XNDC1N: variants seen among roughly 807,000 people sequenced by gnomAD.
XNDC1N encodes the protein protein XNDC1N.
At chr11:71,896,799 C>T in the XNDC1N span, among the ~76,000 whole-genome samples, 4 of 146,870 alleles carry the variant, frequency 2.7e-5, no homozygotes, top group South Asian at 2.1e-4. Context: ...CCTGACCTCA[C>T]GTGATCCACC....
chr11:71,891,035 T>C, the XNDC1N span, among the ~76,000 whole-genome samples: 1 of 152,080 alleles, frequency 6.6e-6, no homozygotes, highest in East Asian at 1.9e-4. Flanking sequence ...CCCTGGACAT[T>C]AGGAAGGGTA....
chr11:71,917,576 T>G, the XNDC1N span: 23 of 703,578 alleles, frequency 3.3e-5, no homozygotes, highest in Non-Finnish European at 5.5e-5. Context: ...CATCTCTGTT[T>G]CTCATAAAGA....
the XNDC1N span, among the ~76,000 whole-genome samples, chr11:71,905,373 C>A: frequency 6.6e-6 from 1 of 151,752 alleles, no homozygotes; most frequent in Non-Finnish European, 1.5e-5. Context: ...TAGGATATTA[C>A]GAATAACATC....
the XNDC1N span, among the ~76,000 whole-genome samples, chr11:71,885,020 A>T: frequency 6.6e-6 from 1 of 152,026 alleles, no homozygotes; most frequent in African/African-American, 2.4e-5. Flanking sequence ...CGCGGTGGAT[A>T]CACAGCCTGT....
At chr11:71,874,457 C>G in the XNDC1N span, among the ~76,000 whole-genome samples, 1 of 152,158 alleles carries the variant, frequency 6.6e-6, no homozygotes, top group African/African-American at 2.4e-5. Context: ...ACCCAAACAA[C>G]TAGGTACATG....
chr11:71,907,289 C>T, the XNDC1N span, among the ~76,000 whole-genome samples: 11 of 152,084 alleles, frequency 7.2e-5, no homozygotes, highest in African/African-American at 9.6e-5. Flanking sequence ...ATACGAGAAA[C>T]GGAGTAATAT....
At chr11:71,880,590 C>T in the XNDC1N span, among the ~76,000 whole-genome samples, 2 of 151,748 alleles carry the variant, frequency 1.3e-5, no homozygotes, top group Non-Finnish European at 2.9e-5. Flanking sequence ...TTTCTTGTTC[C>T]TTGAGGTGCA....
the XNDC1N span, among the ~76,000 whole-genome samples, chr11:71,886,044 C>G: frequency 6.6e-6 from 1 of 152,126 alleles, no homozygotes; most frequent in East Asian, 1.9e-4. Flanking sequence ...ACTCCTCCCT[C>G]GGCAGCTCGT....
chr11:71,869,289 A>T, the XNDC1N span, among the ~76,000 whole-genome samples: 2 of 151,810 alleles, frequency 1.3e-5, no homozygotes, highest in Non-Finnish European at 2.9e-5. Context: ...CCTATGAGTG[A>T]GAACATGTGG....
chr11:71,927,093 TA>T, the XNDC1N span, among the ~76,000 whole-genome samples: 2,166 of 147,290 alleles, frequency 0.015, 35 homozygotes, highest in African/African-American at 0.052. Flanking sequence ...AAAATATTTT[TA>T]AAAATTAGCC....
At chr11:71,868,329 G>T in the XNDC1N span, among the ~76,000 whole-genome samples, 6 of 152,160 alleles carry the variant, frequency 3.9e-5, no homozygotes, top group Admixed American at 3.3e-4. Flanking sequence ...TTATTGTGTT[G>T]TTAGCTGGTT....
the XNDC1N span, chr11:71,923,230 G>A: frequency 2.9e-6 from 2 of 697,574 alleles, no homozygotes. Flanking sequence ...GGAGTTTCCT[G>A]AAAGTGGAGC....
At chr11:71,928,329 C>T in the XNDC1N span, 4 of 625,622 alleles carry the variant, frequency 6.4e-6, no homozygotes, top group South Asian at 3.7e-5. Flanking sequence ...CTCTCGGCCA[C>T]TCCCCTCCCC....
the XNDC1N span, among the ~76,000 whole-genome samples, chr11:71,898,869 T>C: frequency 1.3e-5 from 2 of 152,200 alleles, no homozygotes; most frequent in Non-Finnish European, 2.9e-5. Context: ...TGTAAATGTT[T>C]ATACTGGCCA....
the XNDC1N span, among the ~76,000 whole-genome samples, chr11:71,882,095 T>G: frequency 2.6e-5 from 4 of 151,558 alleles, no homozygotes; most frequent in Non-Finnish European, 4.4e-5. Flanking sequence ...AAGAAAATCT[T>G]AAAAGAAGCC....
the XNDC1N span, among the ~76,000 whole-genome samples, chr11:71,924,086 T>G: frequency 1.3e-5 from 2 of 152,228 alleles, no homozygotes; most frequent in Non-Finnish European, 2.9e-5. Flanking sequence ...TAGTACATAG[T>G]AAGGATAGGC....
chr11:71,892,773 G>A, the XNDC1N span, among the ~76,000 whole-genome samples: 1 of 151,844 alleles, frequency 6.6e-6, no homozygotes, highest in Non-Finnish European at 1.5e-5. Context: ...CATCAGCCTC[G>A]GCCGCCCAAA....
At chr11:71,877,956 AC>A in the XNDC1N span, among the ~76,000 whole-genome samples, 1 of 152,208 alleles carries the variant, frequency 6.6e-6, no homozygotes. Flanking sequence ...GATCGATTGG[AC>A]AGAAAGATAA....
the XNDC1N span, chr11:71,903,647 T>C: frequency 1.1e-5 from 5 of 436,086 alleles, no homozygotes; most frequent in Non-Finnish European, 2.0e-5. Flanking sequence ...TTGTTTTTTT[T>C]TTCTTTTTTT....
Sources: gnomAD v4.1 joint callset for allele counts (sites outside exome capture counted in the v4.1 genomes callset) on GRCh38, gnomAD v4.1.1 for gene constraint, MANE v1.5 for transcripts, NCBI Gene and HGNC (gene_info 2026-07-23, HGNC 2026-07-21) for gene names.